The following AGPAT5 variants were observed in gnomAD, a reference collection of about 807,000 sequenced individuals.
AGPAT5 encodes the protein 1-acyl-sn-glycerol-3-phosphate acyltransferase epsilon.
In AGPAT5, 46 loss-of-function variants were observed where a neutral mutation model predicts 45.6. The ratio of observed to expected loss-of-function variants is 1.01; its 90% CI spans 0.80 to 1.29. The LOEUF is 1.29. Ranked by LOEUF, AGPAT5 falls within the 50% of genes most tolerant of loss-of-function variation. The probability of loss-of-function intolerance (pLI) is 0.00; values close to 1 mark genes in which losing one functional copy is unlikely to be tolerated. For synonymous variants in AGPAT5, 272 were observed against 167.0 expected (o/e 1.63, Z -4.85); for missense variants, 673 against 450.7 (o/e 1.49, Z -4.47).
chr8:6,737,649 C>G (rs185798673), intron 4 of AGPAT5, among the ~76,000 whole-genome samples: 1 of 152,170 alleles, frequency 6.6e-6, no homozygotes, highest in African/African-American at 2.4e-5. Flanking sequence ...AGACTTAACA[C>G]TTTTTCTTCC....
chr8:6,747,885 T>C (rs1801530214), intron 6 of AGPAT5, 57 bp downstream of exon 6: 5 of 1,495,066 alleles, frequency 3.3e-6, no homozygotes, highest in Middle Eastern at 1.8e-4. Context: ...TGCACATGTT[T>C]ATGTAGAATT....
At position 6,757,455 on chromosome 8, in the gene AGPAT5, C is replaced by G; in HGVS notation, c.*67C>G. On this transcript the variant is annotated 3_prime_UTR_variant, in exon 8 of 8. Transcript: ENST00000285518. ...TATTTTTGGCGGCTGCACATGACAT[C>G]AAATTGTTTCCTGAATTTATTAAGG... 1 of 1,216,154 alleles carries G rather than the reference C, an allele frequency of 8.2e-7. No individual in the cohort carries two copies. The highest frequency in any genetic ancestry group is 1.2e-6 in the Non-Finnish European group (1 of 833,528). 75.3% of individuals were successfully genotyped at this position (1,216,154 alleles called of 1,614,324 possible).
chr8:6,743,772 G>T (rs977012356), intron 5 of AGPAT5, among the ~76,000 whole-genome samples: 54 of 148,068 alleles, frequency 3.6e-4, no homozygotes, highest in South Asian at 6.4e-4. Flanking sequence ...CCCTATGGTG[G>T]TTTTTTTTTT....
intron 4 of AGPAT5, among the ~76,000 whole-genome samples, chr8:6,736,384 G>A (rs991962374): frequency 6.6e-6 from 1 of 152,144 alleles, no homozygotes; most frequent in African/African-American, 2.4e-5. Context: ...TATATGAAGT[G>A]CTGTGTGGTT....
intron 6 of AGPAT5, among the ~76,000 whole-genome samples, chr8:6,752,488 T>A (rs1269902107): frequency 1.3e-5 from 2 of 152,184 alleles, no homozygotes; most frequent in African/African-American, 2.4e-5. Flanking sequence ...TATATAGTGT[T>A]CATTGATGTG....
rs781093363 is a variant in AGPAT5, at chr8:6,732,630, T to C, written c.475T>C (p.Tyr159His). 3.7e-6 allele frequency: 6 copies of C among 1,610,644 alleles called. No individual in the cohort carries two copies. In the African/African-American group the frequency reaches 8.0e-5, roughly 22 times the overall value. Reference protein sequence around the residue: ...EKEMRNKLQSYVDAGTPMYLV... With the variant: ...EKEMRNKLQSHVDAGTPMYLV... ...AGAGATGCGAAACAAGTTGCAGAGC[T>C]ACGTGGACGCAGGAACTCCAGTAAG... Residue 159 changes from tyrosine to histidine, a missense_variant, in exon 4 of 8, where the codon TAC becomes CAC. Tyr to His is a moderately conservative substitution (Grantham distance 83, BLOSUM62 2). Coordinates refer to ENST00000285518, the MANE Select transcript of AGPAT5 (RefSeq NM_018361.5).
intron 2 of AGPAT5, among the ~76,000 whole-genome samples, 194 bp downstream of exon 2, chr8:6,725,133 A>T (rs923845806): frequency 1.3e-5 from 2 of 152,168 alleles, no homozygotes; most frequent in Non-Finnish European, 2.9e-5. Context: ...AATTTTCCTA[A>T]ACTTACCTTC....
chr8:6,708,854 G>C lies in AGPAT5; in HGVS notation c.186G>C (p.Val62=), dbSNP rs1351781861. The C allele has an allele frequency of 8.1e-6, 13 of 1,609,778 alleles. No homozygotes were observed. Among genetic ancestry groups the C allele is most frequent in the Non-Finnish European group, 1.1e-5 (13 of 1,178,546 alleles). Reference sequence around the variant, plus strand: ...TCTACTGCGTCTACCAGAGCATGGTGCTCTTCTTCTTCGAGAATTACACCG... The same window carrying C: ...TCTACTGCGTCTACCAGAGCATGGTCCTCTTCTTCTTCGAGAATTACACCG... ...DRLYCVYQSM[V]LFFFENYTGV... is the part of the protein sequence containing the mutation. The change falls in exon 1 of 8, where the codon GTG becomes GTC. Residue 62 remains valine (V), a synonymous_variant. Coordinates refer to ENST00000285518, the MANE Select transcript of AGPAT5 (RefSeq NM_018361.5).
At chr8:6,721,839 GTTTTAT>G (rs561266110) in intron 1 of AGPAT5, among the ~76,000 whole-genome samples, 2 of 151,988 alleles carry the variant, frequency 1.3e-5, no homozygotes, top group Non-Finnish European at 2.9e-5. Flanking sequence ...GGGAAGGAGG[GTTTTAT>G]TTTTATTTTT....
chr8:6,743,032 C>G (rs1801288583), intron 5 of AGPAT5, among the ~76,000 whole-genome samples: 1 of 152,214 alleles, frequency 6.6e-6, no homozygotes, highest in African/African-American at 2.4e-5. Flanking sequence ...GTTGTAAGCA[C>G]TTTTTCCAGT....
chr8:6,754,825 G>A (rs748166824), intron 6 of AGPAT5, among the ~76,000 whole-genome samples: 8 of 152,090 alleles, frequency 5.3e-5, no homozygotes, highest in Non-Finnish European at 7.3e-5. Flanking sequence ...TTATGTAATT[G>A]TAGTTGACTT....
In AGPAT5 at chr8:6,709,235, G is replaced by C. The variant is rs75047097; in HGVS notation, c.219+348G>C. 6.3e-4 allele frequency: 228 copies of C among 362,538 alleles called. 1 individual carries two copies. Among genetic ancestry groups the C allele is most frequent in the African/African-American group, 4.6e-3 (213 of 46,016 alleles). 22.5% of individuals were successfully genotyped at this position (362,538 alleles called of 1,614,324 possible). A position where few individuals can be genotyped will look rare whatever the true frequency, so the allele number is the denominator to read the frequency against. On this transcript the variant is annotated intron_variant, in intron 1 of 7. Transcript: ENST00000285518. ...TTCTGGCCTTTGGTCCAAAGAGGTG[G>C]TCATGTTGGAACAGATCGGAGACGT...
At chr8:6,752,952 G>T (rs1563308065) in intron 6 of AGPAT5, among the ~76,000 whole-genome samples, 1 of 152,156 alleles carries the variant, frequency 6.6e-6, no homozygotes, top group Non-Finnish European at 1.5e-5. Flanking sequence ...TGAACCTTAG[G>T]GACTTGGCTG....
chr8:6,727,957 G>T (rs1800742062), intron 2 of AGPAT5, among the ~76,000 whole-genome samples: 1 of 152,190 alleles, frequency 6.6e-6, no homozygotes, highest in African/African-American at 2.4e-5. Flanking sequence ...AATCCTGGTA[G>T]CGTACCTGGC....
At chr8:6,723,815 A>G (rs1218506775) in intron 1 of AGPAT5, among the ~76,000 whole-genome samples, 2 of 152,206 alleles carry the variant, frequency 1.3e-5, no homozygotes, top group Non-Finnish European at 2.9e-5. Flanking sequence ...TTTGTCTGCA[A>G]AGTTGTTGGG....
chr8:6,726,912 GAATTACAGGCTTTAGTCAGTATAT>G (rs1800706910), intron 2 of AGPAT5, among the ~76,000 whole-genome samples: 1 of 152,152 alleles, frequency 6.6e-6, no homozygotes. Flanking sequence ...AATTTCTTTA[GAATTACAGGCTTTAGTCAGTATAT>G]GACAGAGCCT....
At chr8:6,718,174 G>A (rs746086380) in intron 1 of AGPAT5, among the ~76,000 whole-genome samples, 3 of 152,188 alleles carry the variant, frequency 2.0e-5, no homozygotes, top group Non-Finnish European at 4.4e-5. Context: ...AAGACAGGAT[G>A]TAAAATAAGG....
At chr8:6,737,747 G>C (rs1801101940) in intron 4 of AGPAT5, among the ~76,000 whole-genome samples, 1 of 152,210 alleles carries the variant, frequency 6.6e-6, no homozygotes, top group African/African-American at 2.4e-5. Context: ...TTAAATCCCA[G>C]ATCTTCTGTT....
chr8:6,726,701 A>G (rs1207607207), intron 2 of AGPAT5, among the ~76,000 whole-genome samples: 1 of 152,192 alleles, frequency 6.6e-6, no homozygotes, highest in African/African-American at 2.4e-5. Flanking sequence ...GATAATCTTC[A>G]TACTCAGACC....
Sources: allele counts gnomAD v4.1 joint callset (sites outside exome capture counted in the v4.1 genomes callset), GRCh38; gene constraint gnomAD v4.1.1; transcripts MANE v1.5; gene names NCBI Gene and HGNC (gene_info 2026-07-23, HGNC 2026-07-21).